The following VCAN variants were observed in gnomAD, a reference collection of about 807,000 sequenced individuals.
VCAN encodes versican, also known as versican core protein.
In VCAN, 44 loss-of-function variants were observed where a neutral mutation model predicts 245.5. The observed-to-expected ratio is 0.18, with a 90% CI of 0.14 to 0.23. The LOEUF (loss-of-function observed/expected upper bound fraction) is 0.23, where lower values mean the gene tolerates loss of function less well. Ranked by LOEUF, VCAN falls within the 10% of genes least tolerant of loss-of-function variation. The probability of loss-of-function intolerance (pLI) is 1.00; values close to 1 mark genes in which losing one functional copy is unlikely to be tolerated. For synonymous variants in VCAN, 1,413 were observed against 1,437.0 expected (o/e 0.98, Z 0.38); for missense variants, 3,793 against 4,057.9 (o/e 0.93, Z 1.77).
chr5:83,558,305 C>G (rs1302892767), intron 12 of VCAN, among the ~76,000 whole-genome samples: 1 of 152,050 alleles, frequency 6.6e-6, no homozygotes, highest in Non-Finnish European at 1.5e-5. Context: ...ACAGTAAAGT[C>G]TTGGTCAGGG....
rs1344787463 is a variant in VCAN, at chr5:83,572,324, T to C, written c.9736-92T>C. ...ATATGAAACAACAGAAATTGTTGAG[T>C]CTATTCCAATTAGATTGTGATATAA... On this transcript the variant is annotated intron_variant, in intron 12 of 14. Transcript: ENST00000265077. The C allele has an allele frequency of 4.8e-6, 7 of 1,469,718 alleles. No homozygotes were observed. The African/African-American group carries it at 9.7e-5, about 20-fold the overall frequency. The allele number at this position is 1,469,718 out of a possible 1,614,324, so 91.0% of individuals were successfully genotyped here.
In VCAN at chr5:83,542,248, G is replaced by T. The variant is rs1747035339; in HGVS notation, c.9245G>T (p.Gly3082Val). The T allele has an allele frequency of 8.1e-6, 13 of 1,613,274 alleles. No homozygotes were observed. Among genetic ancestry groups the T allele is most frequent in the Non-Finnish European group, 1.1e-5 (13 of 1,179,932 alleles). The change falls in exon 8 of 15, where the codon GGC becomes GTC. Residue 3082 changes from glycine to valine, a missense_variant. Physicochemically the swap from Gly to Val is moderately radical, Grantham distance 109. Coordinates refer to ENST00000265077, the MANE Select transcript of VCAN (RefSeq NM_004385.5). The stretch of plus-strand genomic sequence containing the variant: ...GGCATTAATGAAGAGTCAGTGGAAG[G>T]CACGGCAATCTATTTACCAGGTAAG... ...LIGINEESVE[G>V]TAIYLPGPDR...
intron 10 of VCAN, among the ~76,000 whole-genome samples, chr5:83,549,500 G>A (rs973533490): frequency 2.0e-5 from 3 of 152,106 alleles, no homozygotes; most frequent in East Asian, 3.9e-4. Context: ...AACCTAAATG[G>A]CTTAACTCTA....
In VCAN at chr5:83,483,493, G is replaced by A. The variant is rs373777577; in HGVS notation, c.-6-20G>A. 3.8e-5 allele frequency: 61 copies of A among 1,602,220 alleles called. No homozygotes were observed. The highest frequency in any genetic ancestry group is 5.1e-5 in the Non-Finnish European group (60 of 1,169,852). On this transcript the variant is annotated intron_variant, in intron 1 of 14. Transcript: ENST00000265077. The stretch of plus-strand genomic sequence containing the variant: ...AACCTGAATGCTTGTGATTTACTTT[G>A]TGTTTTTCTTCATTTCTAGGCCAAG...
At chr5:83,481,874 T>C (rs1744625750) in intron 1 of VCAN, among the ~76,000 whole-genome samples, 1 of 152,204 alleles carries the variant, frequency 6.6e-6, no homozygotes, top group Non-Finnish European at 1.5e-5. Flanking sequence ...CCAAGCCCTA[T>C]TTATGTTCAA....
intron 8 of VCAN, among the ~76,000 whole-genome samples, chr5:83,543,766 A>C (rs372674961): frequency 6.6e-6 from 1 of 152,218 alleles, no homozygotes; most frequent in African/African-American, 2.4e-5. Flanking sequence ...TCCAGTTTAC[A>C]ATATTTACCA....
At position 83,545,531 on chromosome 5, in the gene VCAN, T is replaced by C. The variant is rs1294316101; in HGVS notation, c.9266-6T>C. ...ACTGCTTTTCTTACTTTCCTGAATA[T>C]GGTAGGACCTGATCGCTGCAAAATG... On this transcript the variant is annotated splice_region_variant and splice_polypyrimidine_tract_variant and intron_variant, in intron 8 of 14. Coordinates refer to ENST00000265077, the MANE Select transcript of VCAN (RefSeq NM_004385.5). 2.0e-5 allele frequency: 33 copies of C among 1,613,310 alleles called. No individual in the cohort carries two copies. Among genetic ancestry groups the C allele is most frequent in the Non-Finnish European group, 2.7e-5 (32 of 1,179,250 alleles).
chr5:83,531,658 T>TA (rs138501936), intron 7 of VCAN, among the ~76,000 whole-genome samples: 269 of 152,296 alleles, frequency 1.8e-3, no homozygotes, highest in African/African-American at 6.2e-3. Context: ...CTCTTAAACT[T>TA]AAATTGTAAA....
chr5:83,580,274 GTTTTCTTT>G lies in VCAN; in HGVS notation c.10064-24_10064-17del, dbSNP rs745389833. Reference sequence around the variant, plus strand: ...GGGTATGGAGCAAGTAATATTGTGTGTTTTCTTTTTTTCTTTCTTTCCTTCCATGTAGC... The same window carrying G: ...GGGTATGGAGCAAGTAATATTGTGTGTTTTCTTTCTTTCCTTCCATGTAGC... On this transcript the variant is annotated intron_variant, in intron 14 of 14. Coordinates refer to ENST00000265077, the MANE Select transcript of VCAN (RefSeq NM_004385.5). The G allele has an allele frequency of 6.2e-5, 100 of 1,613,700 alleles. 1 individual carries two copies. The African/African-American group carries it at 1.2e-3, about 20-fold the overall frequency.
chr5:83,520,088 A>G lies in VCAN; in HGVS notation c.1782A>G (p.Leu594=), dbSNP rs776501286. The G allele has an allele frequency of 1.2e-5, 19 of 1,614,066 alleles. No homozygotes were observed. Among genetic ancestry groups the G allele is most frequent in the Non-Finnish European group, 1.4e-5 (17 of 1,179,968 alleles). ...CAGAAGACACCATCCACACTCATTT[A>G]GAAGACTTGGAGTCAGTCTCAGCAT... ...KTSEDTIHTH[L]EDLESVSAST... Residue 594 remains leucine, a synonymous_variant, in exon 7 of 15, where the codon TTA becomes TTG. Coordinates refer to ENST00000265077, the MANE Select transcript of VCAN (RefSeq NM_004385.5).
chr5:83,503,924 T>C (rs924180404), intron 5 of VCAN, among the ~76,000 whole-genome samples: 2 of 152,246 alleles, frequency 1.3e-5, no homozygotes, highest in Non-Finnish European at 2.9e-5. Flanking sequence ...ACACTTTGGG[T>C]CATTTTTAAT....
At position 83,527,274 on chromosome 5, in the gene VCAN, G is replaced by A. The variant is rs112409132; in HGVS notation, c.4003+4965G>A. ...GCTGAAATTGGTAGTACGTTATTCT[G>A]CAGTTCTGGGCAGCTTCTTTCCTGT... On this transcript the variant is annotated intron_variant, in intron 7 of 14. Coordinates refer to ENST00000265077, the MANE Select transcript of VCAN (RefSeq NM_004385.5). 8.6e-3 allele frequency among the ~76,000 whole-genome samples: 1,305 copies of A among 151,950 alleles called. 9 individuals are homozygous for A. Among genetic ancestry groups the A allele is most frequent in the Middle Eastern group, 0.014 (4 of 290 alleles).
chr5:83,513,372 T>C (rs1459676129), intron 6 of VCAN, among the ~76,000 whole-genome samples: 5 of 152,212 alleles, frequency 3.3e-5, no homozygotes, highest in African/African-American at 1.2e-4. Context: ...GAGTACAAAA[T>C]GTACTAGCTT....
intron 3 of VCAN, 111 bp from the exon 4 acceptor site, chr5:83,493,435 A>C: frequency 2.3e-6 from 3 of 1,310,238 alleles, no homozygotes; most frequent in Non-Finnish European, 3.3e-6. Context: ...AATTATTATG[A>C]TATTATTACT....
chr5:83,537,622 T>C lies in VCAN; in HGVS notation c.4619T>C (p.Val1540Ala), dbSNP rs779535464. Residue 1540 changes from valine (V) to alanine (A), a missense_variant, in exon 8 of 15, where the codon GTA (valine) becomes GCA (alanine). Val to Ala is a moderately conservative substitution (Grantham distance 64, BLOSUM62 0). Around this residue, in one of 5 missense-constraint regions of VCAN, gnomAD observed 3,182 missense variants for 3,250.3 expected, o/e 0.98. Coordinates refer to ENST00000265077, the MANE Select transcript of VCAN (RefSeq NM_004385.5). ...GHQAHEHTEP[V>A]SLFPEESSGE... ...CAGGCACATGAACATACTGAACCTGTATCTCTGTTTCCTGAAGAGTCTTCA... is the reference window on the plus strand; with the variant it reads ...CAGGCACATGAACATACTGAACCTGCATCTCTGTTTCCTGAAGAGTCTTCA... The C allele has an allele frequency of 1.2e-5, 19 of 1,613,860 alleles. 1 individual carries two copies. The South Asian group carries it at 2.1e-4, about 18-fold the overall frequency.
At chr5:83,519,030 A>G (rs796179220) in intron 6 of VCAN, among the ~76,000 whole-genome samples, 21 of 152,276 alleles carry the variant, frequency 1.4e-4, no homozygotes, top group African/African-American at 4.8e-4. Context: ...CTGCATTTAT[A>G]TTTTTGGGAG....
chr5:83,542,137 C>T lies in VCAN; in HGVS notation c.9134C>T (p.Thr3045Ile), dbSNP rs73148633. ...ATTCTTGATTCCAATGATCAGGCAACAGTAAACCCTGTGGAATTTAATACT... is the reference window on the plus strand; with the variant it reads ...ATTCTTGATTCCAATGATCAGGCAATAGTAAACCCTGTGGAATTTAATACT... ...ARILDSNDQA[T>I]VNPVEFNTEV... is the part of the protein sequence containing the mutation. The change falls in exon 8 of 15, where the codon ACA (threonine) becomes ATA (isoleucine). Residue 3045 changes from threonine (T) to isoleucine (I), a missense_variant. Thr to Ile is a moderately conservative substitution (Grantham distance 89). Coordinates refer to ENST00000265077, the MANE Select transcript of VCAN (RefSeq NM_004385.5). The T allele has an allele frequency of 1.2e-5, 20 of 1,613,982 alleles. 1 individual carries two copies. The Admixed American group carries it at 3.3e-4, about 27-fold the overall frequency.
Position 83,547,953 on chromosome 5 carries a change from T to C in VCAN, c.9380-18T>C, listed in dbSNP as rs1747299108. 6.4e-7 allele frequency: 1 copy of C among 1,558,088 alleles called. No homozygotes were observed. The highest frequency in any genetic ancestry group is 8.9e-7 in the Non-Finnish European group (1 of 1,129,126). ...ACTTTTTGAAAGTATTTTGTGAGCT[T>C]TTACTATTTTGTTTCAGATTTTGAT... On this transcript the variant is annotated intron_variant, in intron 9 of 14. Coordinates refer to ENST00000265077, the MANE Select transcript of VCAN (RefSeq NM_004385.5).
chr5:83,574,937 T>G (rs1449731390), intron 13 of VCAN, among the ~76,000 whole-genome samples: 1 of 152,164 alleles, frequency 6.6e-6, no homozygotes. Flanking sequence ...TGTACAGACT[T>G]TTTCCCTAAA....
Sources: allele counts gnomAD v4.1 joint callset (sites outside exome capture counted in the v4.1 genomes callset), GRCh38; gene constraint gnomAD v4.1.1; regional missense constraint gnomAD v4.1.1; transcripts MANE v1.5; gene names NCBI Gene and HGNC (gene_info 2026-07-23, HGNC 2026-07-21).